Variants in CDH18 observed in about 807,000 individuals in gnomAD.
CDH18 encodes the protein cadherin-18.
In CDH18, 31 loss-of-function variants were observed where a neutral mutation model predicts 67.9. The observed-to-expected ratio is 0.46, with a 90% CI of 0.34 to 0.62. The LOEUF is 0.62. Ranked by LOEUF, CDH18 falls within the 20% of genes least tolerant of loss-of-function variation. The pLI is 0.01. For missense variants in CDH18, 890 were observed against 975.5 expected, an observed-to-expected ratio of 0.91 and a Z score of 1.17; for synonymous variants, 362 against 347.2, an observed-to-expected ratio of 1.04 and a Z score of -0.48.
At chr5:19,963,717 A>G (rs1244491398) in intron 2 of CDH18, among the ~76,000 whole-genome samples, 1 of 151,742 alleles carries the variant, frequency 6.6e-6, no homozygotes, top group Non-Finnish European at 1.5e-5. Flanking sequence ...ATTACCCAGT[A>G]TTGGGTATGT....
intron 1 of CDH18, among the ~76,000 whole-genome samples, chr5:20,301,789 C>CTTTTTTTTTTTTTTTT (rs59276117): frequency 4.6e-4 from 59 of 128,130 alleles, no homozygotes; most frequent in South Asian, 7.6e-4. Flanking sequence ...TTTCTTTTTT[C>CTTTTTTTTTTTTTTTT]TTTTTTTTTT....
At chr5:20,051,484 T>A (rs75547462) in intron 2 of CDH18, among the ~76,000 whole-genome samples, 1,744 of 152,010 alleles carry the variant, frequency 0.011, 39 homozygotes, top group African/African-American at 0.04. Flanking sequence ...TAAGAAAAAA[T>A]GAGAATCATA....
chr5:19,574,064 C>T (rs1565004), intron 7 of CDH18, among the ~76,000 whole-genome samples: 113,653 of 152,064 alleles, frequency 0.75, 42,623 homozygotes, highest in South Asian at 0.8. Flanking sequence ...TTTTGGCTTT[C>T]ACATCTTTTG....
intron 1 of CDH18, among the ~76,000 whole-genome samples, chr5:20,527,439 C>T (rs1483056713): frequency 1.3e-5 from 2 of 151,866 alleles, no homozygotes; most frequent in Non-Finnish European, 2.9e-5. Context: ...ACAAGATCAA[C>T]CCCAAGACAT....
At chr5:19,977,973 C>CT (rs1190690841) in intron 2 of CDH18, among the ~76,000 whole-genome samples, 2 of 151,996 alleles carry the variant, frequency 1.3e-5, no homozygotes, top group Non-Finnish European at 2.9e-5. Flanking sequence ...ATTGAATTCA[C>CT]TTTTTTTAAT....
At chr5:19,826,481 G>A (rs1164875291) in intron 3 of CDH18, among the ~76,000 whole-genome samples, 1 of 152,148 alleles carries the variant, frequency 6.6e-6, no homozygotes, top group Non-Finnish European at 1.5e-5. Context: ...CTAGAAAGAA[G>A]AGGCAAGTCA....
chr5:19,711,733 A>G (rs1369520542), intron 5 of CDH18, among the ~76,000 whole-genome samples: 1 of 151,930 alleles, frequency 6.6e-6, no homozygotes. Flanking sequence ...AATGTAAATT[A>G]GCACAACCTC....
At chr5:19,548,916 A>C (rs1736833614) in intron 8 of CDH18, among the ~76,000 whole-genome samples, 1 of 151,852 alleles carries the variant, frequency 6.6e-6, no homozygotes, top group South Asian at 2.1e-4. Flanking sequence ...TGCCTGGCTA[A>C]TTTTTGTAGT....
At chr5:20,449,263 G>A (rs1352348674) in intron 1 of CDH18, among the ~76,000 whole-genome samples, 1 of 151,806 alleles carries the variant, frequency 6.6e-6, no homozygotes, top group Admixed American at 6.6e-5. Flanking sequence ...TTTTTAAATT[G>A]GAAAGAAGTT....
At chr5:19,524,839 G>T (rs925479032) in intron 9 of CDH18, among the ~76,000 whole-genome samples, 10 of 152,016 alleles carry the variant, frequency 6.6e-5, no homozygotes, top group African/African-American at 2.4e-4. Context: ...TCCGCCTCCC[G>T]GGTTCACGCC....
chr5:20,250,357 AT>A (rs1743745040), intron 2 of CDH18, among the ~76,000 whole-genome samples: 1 of 151,704 alleles, frequency 6.6e-6, no homozygotes, highest in South Asian at 2.1e-4. Context: ...CAGCCGTGCG[AT>A]CAAGGCTCAC....
intron 2 of CDH18, among the ~76,000 whole-genome samples, chr5:20,042,968 A>T (rs1740579338): frequency 6.8e-6 from 1 of 146,728 alleles, no homozygotes; most frequent in Admixed American, 6.8e-5. Context: ...TCTCAAAAAA[A>T]TTAATTAATT....
intron 1 of CDH18, among the ~76,000 whole-genome samples, chr5:20,358,955 G>A (rs559159738): frequency 4.1e-4 from 56 of 138,088 alleles, no homozygotes; most frequent in Non-Finnish European, 6.4e-4. Context: ...TTTTTGAGAC[G>A]GAGTTTCACT....
intron 4 of CDH18, among the ~76,000 whole-genome samples, chr5:19,740,049 C>T (rs556564353): frequency 1.3e-5 from 2 of 152,218 alleles, no homozygotes; most frequent in South Asian, 4.2e-4. Context: ...AGGAACTTTG[C>T]AGTTAAACAA....
intron 1 of CDH18, among the ~76,000 whole-genome samples, chr5:20,329,768 C>CAAAA (rs60246535): frequency 0.022 from 1,396 of 62,536 alleles, 131 homozygotes; most frequent in African/African-American, 0.035. Context: ...GAAACTCCAT[C>CAAAA]AAAAAAAAAA....
chr5:20,287,366 T>A lies in CDH18; in HGVS notation c.-579-31861A>T, dbSNP rs181801380. Among the ~76,000 whole-genome samples the A allele has an allele frequency of 1.8e-3, 279 of 151,874 alleles. 1 individual carries two copies. Among genetic ancestry groups the A allele is most frequent in the African/African-American group, 6.3e-3 (263 of 41,538 alleles). ...GCATAGAGTGTTTTAAATATATATT[T>A]ATTCAAATTTAAATTGAAGGATAAT... On this transcript the variant is annotated intron_variant, in intron 1 of 14. Transcript: ENST00000507958.
intron 8 of CDH18, among the ~76,000 whole-genome samples, chr5:19,552,775 TAA>T (rs985871378): frequency 2.6e-5 from 4 of 152,126 alleles, no homozygotes; most frequent in African/African-American, 9.7e-5. Flanking sequence ...AAACCTTAAC[TAA>T]TTTCACACTG....
intron 3 of CDH18, among the ~76,000 whole-genome samples, chr5:19,835,680 C>T (rs992427189): frequency 6.6e-6 from 1 of 151,802 alleles, no homozygotes; most frequent in Non-Finnish European, 1.5e-5. Flanking sequence ...ATTTATGTTA[C>T]AGGGGGTGTG....
intron 2 of CDH18, among the ~76,000 whole-genome samples, chr5:19,841,783 T>C (rs1006331031): frequency 6.6e-6 from 1 of 152,164 alleles, no homozygotes; most frequent in Non-Finnish European, 1.5e-5. Context: ...ATTACAGATA[T>C]GTAAAATGAG....
Sources: allele counts gnomAD v4.1 joint callset (sites outside exome capture counted in the v4.1 genomes callset), GRCh38; gene constraint gnomAD v4.1.1; transcripts MANE v1.5; gene names NCBI Gene and HGNC (gene_info 2026-07-23, HGNC 2026-07-21).